Variants in DPH5 observed in about 807,000 individuals in gnomAD.
DPH5 encodes diphthine methyl ester synthase.
DPH5 carries 31 observed loss-of-function variants against 31.6 expected under a neutral mutation model. The observed-to-expected ratio is 0.98, with a 90% CI of 0.74 to 1.32. DPH5 has a LOEUF of 1.32. DPH5 is among the 40% of genes most tolerant of loss of function. The probability of loss-of-function intolerance (pLI) is 0.00; values close to 1 mark genes in which losing one functional copy is unlikely to be tolerated. For missense variants in DPH5, 309 were observed against 335.7 expected (o/e 0.92, Z 0.62); for synonymous variants, 120 against 115.0 (o/e 1.04, Z -0.28).
At chr1:100,995,082 T>C (rs1432705111) in intron 6 of DPH5, 28 bp downstream of exon 6, 1 of 1,505,346 alleles carries the variant, frequency 6.6e-7, no homozygotes, top group Non-Finnish European at 9.2e-7. Context: ...ATAAAACACA[T>C]GTATGCATTC....
chr1:101,018,630 C>T (rs560241673), intron 3 of DPH5, among the ~76,000 whole-genome samples: 1 of 152,096 alleles, frequency 6.6e-6, no homozygotes, highest in Admixed American at 6.6e-5. Context: ...AATGATATAG[C>T]GCAAATGACG....
At chr1:101,020,933 CAA>C (rs1476402343) in intron 3 of DPH5, among the ~76,000 whole-genome samples, 4 of 152,118 alleles carry the variant, frequency 2.6e-5, no homozygotes, top group African/African-American at 9.7e-5. Flanking sequence ...TTGAATCCTG[CAA>C]AAGTTTACCA....
intron 4 of DPH5, among the ~76,000 whole-genome samples, chr1:101,010,641 G>C (rs901433711): frequency 2.0e-5 from 3 of 152,124 alleles, no homozygotes; most frequent in African/African-American, 7.2e-5. Flanking sequence ...TCAATAACTT[G>C]ATGGCTGTTT....
intron 3 of DPH5, among the ~76,000 whole-genome samples, chr1:101,017,044 AATC>A (rs1022382902): frequency 6.6e-5 from 10 of 152,218 alleles, no homozygotes; most frequent in Admixed American, 2.0e-4. Context: ...ACTGATCACA[AATC>A]ATCATTAACA....
chr1:101,007,471 T>C (rs1558042150), intron 4 of DPH5, among the ~76,000 whole-genome samples: 1 of 152,106 alleles, frequency 6.6e-6, no homozygotes, highest in Non-Finnish European at 1.5e-5. Context: ...CCCAGCACTT[T>C]GGGAGGCCTA....
At chr1:101,011,896 T>TC (rs1491203808) in intron 4 of DPH5, among the ~76,000 whole-genome samples, 1 of 107,576 alleles carries the variant, frequency 9.3e-6, no homozygotes, top group Admixed American at 9.0e-5. Context: ...TTATCAATTC[T>TC]TTTTTTTTTT....
At chr1:101,016,215 G>A (rs886368297) in intron 3 of DPH5, among the ~76,000 whole-genome samples, 5 of 151,758 alleles carry the variant, frequency 3.3e-5, no homozygotes, top group African/African-American at 1.2e-4. Context: ...TTAGCTGGGC[G>A]TGGTGGCAGG....
At chr1:101,007,540 C>T (rs1659318203) in intron 4 of DPH5, among the ~76,000 whole-genome samples, 1 of 151,826 alleles carries the variant, frequency 6.6e-6, no homozygotes, top group Non-Finnish European at 1.5e-5. Flanking sequence ...AGTGAAACCC[C>T]GTCTCTACTA....
At chr1:100,998,142 TG>T (rs1222416032) in intron 5 of DPH5, among the ~76,000 whole-genome samples, 1 of 152,166 alleles carries the variant, frequency 6.6e-6, no homozygotes, top group Non-Finnish European at 1.5e-5. Flanking sequence ...TTGCAAATAT[TG>T]GCATAAGACC....
intron 5 of DPH5, among the ~76,000 whole-genome samples, chr1:100,996,540 A>T (rs1450616485): frequency 6.6e-6 from 1 of 152,114 alleles, no homozygotes; most frequent in African/African-American, 2.4e-5. Flanking sequence ...TCTCTGATTC[A>T]TCTTAGTACC....
Position 100,990,560 on chromosome 1 carries a change from T to C in DPH5, c.706A>G (p.Thr236Ala). Residue 236 changes from threonine (T) to alanine (A), a missense_variant, in exon 8 of 8, where the codon ACT (threonine) becomes GCT (alanine). Physicochemically the swap from Thr to Ala is moderately conservative, Grantham distance 58 (BLOSUM62 0). Coordinates refer to ENST00000370109, the MANE Select transcript of DPH5 (RefSeq NM_015958.3). ...TCCACAGTGCACATTTGCCTTAAAG[T>C]GCCTGCTGCAATTTTCTGGTCGTCG... ...GADDQKIAAGTLRQMCTVDLG... is the reference protein window; with the variant it reads ...GADDQKIAAGALRQMCTVDLG... The C allele has an allele frequency of 7.4e-6, 12 of 1,614,126 alleles. No individual in the cohort carries two copies. Among genetic ancestry groups the C allele is most frequent in the Non-Finnish European group, 1.0e-5 (12 of 1,180,014 alleles).
intron 1 of DPH5, 64 bp downstream of exon 1, chr1:101,025,619 A>C (rs1338108209): frequency 5.4e-6 from 4 of 737,012 alleles, no homozygotes; most frequent in East Asian, 2.7e-5. Flanking sequence ...AACTGGGATA[A>C]GAGGTTTTAA....
Position 101,025,415 on chromosome 1 carries a change from C to T in DPH5, c.29G>A (p.Gly10Glu). 1 of 1,614,180 alleles carries T rather than the reference C, an allele frequency of 6.2e-7. No homozygotes were observed. Among genetic ancestry groups the T allele is most frequent in the Non-Finnish European group, 8.5e-7 (1 of 1,180,036 alleles). MLYLIGLGLGDAKDITVKGL... is the reference protein window; with the variant it reads MLYLIGLGLEDAKDITVKGL... ...CTTGACTGTGATGTCCTTGGCATCTCCCAGGCCCAACCCGATGAGATAAAG... is the reference window on the plus strand; with the variant it reads ...CTTGACTGTGATGTCCTTGGCATCTTCCAGGCCCAACCCGATGAGATAAAG... The change falls in exon 2 of 8, where the codon GGA becomes GAA. Residue 10 changes from glycine to glutamate, a missense_variant. Physicochemically the swap from Gly to Glu is moderately conservative, Grantham distance 98. Coordinates refer to ENST00000370109, the MANE Select transcript of DPH5 (RefSeq NM_015958.3).
intron 5 of DPH5, 52 bp from the exon 6 acceptor site, chr1:100,995,201 A>C: frequency 4.6e-6 from 6 of 1,314,616 alleles, no homozygotes; most frequent in Non-Finnish European, 6.5e-6. Context: ...TTTATCCAAA[A>C]CCCTATGTGT....
intron 4 of DPH5, among the ~76,000 whole-genome samples, chr1:101,009,561 T>C (rs1050342258): frequency 7.2e-5 from 11 of 152,350 alleles, no homozygotes; most frequent in Non-Finnish European, 1.6e-4. Context: ...TCTTCTCTTA[T>C]GCCCTACTCC....
chr1:101,009,438 T>A (rs1266741199), intron 4 of DPH5, among the ~76,000 whole-genome samples: 1 of 152,172 alleles, frequency 6.6e-6, no homozygotes, highest in Admixed American at 6.5e-5. Flanking sequence ...CCCATTAGCA[T>A]AAAGACCCCA....
intron 7 of DPH5, among the ~76,000 whole-genome samples, 170 bp from the exon 8 acceptor site, chr1:100,990,801 TC>T (rs1245674809): frequency 6.6e-6 from 1 of 152,224 alleles, no homozygotes; most frequent in African/African-American, 2.4e-5. Context: ...ATTTTCTAAA[TC>T]ATTTGTATTA....
At chr1:101,023,832 C>G (rs1427426741) in intron 2 of DPH5, among the ~76,000 whole-genome samples, 1 of 152,084 alleles carries the variant, frequency 6.6e-6, no homozygotes, top group Non-Finnish European at 1.5e-5. Context: ...GTTTTTTACC[C>G]CATTTAAAAA....
At chr1:101,016,788 T>G (rs1558049622) in intron 3 of DPH5, among the ~76,000 whole-genome samples, 1 of 152,140 alleles carries the variant, frequency 6.6e-6, no homozygotes. Flanking sequence ...AGCTTTTGAT[T>G]CAAAGTGAGA....
Sources: gnomAD v4.1 joint callset for allele counts (sites outside exome capture counted in the v4.1 genomes callset) on GRCh38, gnomAD v4.1.1 for gene constraint, MANE v1.5 for transcripts, NCBI Gene and HGNC (gene_info 2026-07-23, HGNC 2026-07-21) for gene names.